The following RCSD1 variants were observed in gnomAD, a reference collection of about 807,000 sequenced individuals.
RCSD1 encodes capZ-interacting protein.
Under a neutral mutation model 42.5 loss-of-function variants are expected in RCSD1, and 26 were observed. The observed-to-expected ratio is 0.61, with a 90% confidence interval of 0.45 to 0.85. The LOEUF is 0.85. Ranked by LOEUF, RCSD1 falls within the 40% of genes least tolerant of loss-of-function variation. The pLI is 0.00. For synonymous variants in RCSD1, 220 were observed against 212.2 expected (o/e 1.04, Z -0.32); for missense variants, 571 against 528.3 (o/e 1.08, Z -0.79).
At chr1:167,703,745 G>A (rs1212705724) in intron 6 of RCSD1, among the ~76,000 whole-genome samples, 1 of 152,134 alleles carries the variant, frequency 6.6e-6, no homozygotes, top group Non-Finnish European at 1.5e-5. Flanking sequence ...GTGGGGCCGG[G>A]GCTCCAGCCA....
intron 5 of RCSD1, among the ~76,000 whole-genome samples, chr1:167,696,575 C>T (rs113484814): frequency 4.9e-4 from 75 of 152,030 alleles, no homozygotes; most frequent in African/African-American, 1.7e-3. Flanking sequence ...TCTCAGCCTC[C>T]CAAGTAGCTG....
intron 1 of RCSD1, among the ~76,000 whole-genome samples, chr1:167,654,645 A>G (rs1346714791): frequency 6.6e-6 from 1 of 152,182 alleles, no homozygotes; most frequent in Admixed American, 6.5e-5. Context: ...AGTAGGTAGT[A>G]TATAAACCAA....
At chr1:167,649,231 G>A (rs115229802) in intron 1 of RCSD1, among the ~76,000 whole-genome samples, 1,761 of 152,226 alleles carry the variant, frequency 0.012, 25 homozygotes, top group African/African-American at 0.04. Flanking sequence ...AGGAAGTAGC[G>A]TGAAAGAGGA....
chr1:167,656,102 G>A (rs1469311385), intron 1 of RCSD1, among the ~76,000 whole-genome samples: 3 of 152,150 alleles, frequency 2.0e-5, no homozygotes, highest in Non-Finnish European at 1.5e-5. Flanking sequence ...TAATTATACA[G>A]CCTATCTTTT....
chr1:167,657,195 C>T (rs569395701), intron 1 of RCSD1, among the ~76,000 whole-genome samples: 9 of 152,242 alleles, frequency 5.9e-5, no homozygotes, highest in South Asian at 2.1e-4. Flanking sequence ...TGGTTTTTTT[C>T]GAAACTGGTG....
At position 167,704,993 on chromosome 1, in the gene RCSD1, C is replaced by T. The variant is rs113446898; in HGVS notation, c.*297C>T. 37 of 310,622 alleles carry T rather than the reference C, an allele frequency of 1.2e-4. 1 individual carries two copies. The highest frequency in any genetic ancestry group is 2.0e-3 in the Middle Eastern group (2 of 992). The allele number at this position is 310,622 out of a possible 1,614,324, so 19.2% of individuals were successfully genotyped here. A position where few individuals can be genotyped will look rare whatever the true frequency, so the allele number is the denominator to read the frequency against. Reference sequence around the variant, plus strand: ...AACAATGTACTGTGGTGATGAGTCCCAGGGGCACTGGTCAGCCTGTGGAGC... The same window carrying T: ...AACAATGTACTGTGGTGATGAGTCCTAGGGGCACTGGTCAGCCTGTGGAGC... On this transcript the variant is annotated 3_prime_UTR_variant, in exon 7 of 7. Coordinates refer to ENST00000367854, the MANE Select transcript of RCSD1 (RefSeq NM_052862.4).
At position 167,630,470 on chromosome 1, in the gene RCSD1, C is replaced by T. The variant is rs1017088409; in HGVS notation, c.6+41C>T. On this transcript the variant is annotated intron_variant, in intron 1 of 6. Coordinates refer to ENST00000367854, the MANE Select transcript of RCSD1 (RefSeq NM_052862.4). ...GGGAGACGCGGGGCTGAGCGGTGAG[C>T]GGTGTATCGGGCGCCCCTTCCCCGG... 7.3e-6 allele frequency: 11 copies of T among 1,515,890 alleles called. No individual in the cohort carries two copies. In the Middle Eastern group the frequency reaches 1.4e-3, roughly 191 times the overall value. 93.9% of individuals were successfully genotyped at this position (1,515,890 alleles called of 1,614,324 possible). A position where few individuals can be genotyped will look rare whatever the true frequency, so the allele number is the denominator to read the frequency against.
intron 5 of RCSD1, among the ~76,000 whole-genome samples, chr1:167,694,856 C>G (rs975727315): frequency 6.6e-6 from 1 of 152,066 alleles, no homozygotes; most frequent in Non-Finnish European, 1.5e-5. Flanking sequence ...CAGATGCAAC[C>G]CTGATCCTCT....
intron 1 of RCSD1, among the ~76,000 whole-genome samples, chr1:167,657,681 T>C (rs1326405605): frequency 6.6e-6 from 1 of 152,144 alleles, no homozygotes; most frequent in Admixed American, 6.5e-5. Context: ...GCTGAGCAGA[T>C]GGACTGCTCA....
chr1:167,677,221 C>T (rs912848212), intron 1 of RCSD1, among the ~76,000 whole-genome samples: 6 of 152,168 alleles, frequency 3.9e-5, no homozygotes, highest in Non-Finnish European at 5.9e-5. Flanking sequence ...CCTTGAGGGC[C>T]GTCACGGTTA....
intron 1 of RCSD1, among the ~76,000 whole-genome samples, chr1:167,650,116 C>A (rs1378470167): frequency 6.6e-6 from 1 of 152,222 alleles, no homozygotes. Context: ...ATGATCATCT[C>A]ATCCCTGCCT....
chr1:167,644,488 A>AATAAATAAATACATAC (rs1295341494), intron 1 of RCSD1, among the ~76,000 whole-genome samples: 1 of 76,768 alleles, frequency 1.3e-5, no homozygotes, highest in Admixed American at 1.3e-4. Flanking sequence ...TCAAAAAATA[A>AATAAATAAATACATAC]ATACATACAT....
At chr1:167,655,654 C>A (rs1410391066) in intron 1 of RCSD1, among the ~76,000 whole-genome samples, 1 of 152,186 alleles carries the variant, frequency 6.6e-6, no homozygotes, top group Admixed American at 6.5e-5. Context: ...TTAATACCAG[C>A]TGATAAGAGG....
chr1:167,701,924 G>C (rs1571112201), intron 6 of RCSD1, among the ~76,000 whole-genome samples: 4 of 152,292 alleles, frequency 2.6e-5, no homozygotes, highest in Admixed American at 2.6e-4. Context: ...GTCTGTCCCA[G>C]GTCTTTCCTG....
rs777908756 is a variant in RCSD1 at position 167,690,109 on chromosome 1, G to A, written c.259G>A (p.Glu87Lys). The change falls in exon 4 of 7, where the codon GAG (glutamate) becomes AAG (lysine). Residue 87 changes from glutamate to lysine, a missense_variant. Glu to Lys is a moderately conservative substitution (Grantham distance 56). Coordinates refer to ENST00000367854, the MANE Select transcript of RCSD1 (RefSeq NM_052862.4). ...KFKVKSSPLI[E>K]KLQANLTFDP... is the part of the protein sequence containing the mutation. ...CAAGGTCAAGAGCTCGCCTCTGATT[G>A]AGAAGCTTCAGGTAAGTGCAGAATT... The A allele has an allele frequency of 6.2e-7, 1 of 1,614,086 alleles. No homozygotes were observed. The highest frequency in any genetic ancestry group is 8.5e-7 in the Non-Finnish European group (1 of 1,179,998).
At chr1:167,632,605 T>G (rs1488414059) in intron 1 of RCSD1, among the ~76,000 whole-genome samples, 1 of 151,974 alleles carries the variant, frequency 6.6e-6, no homozygotes, top group Non-Finnish European at 1.5e-5. Flanking sequence ...GATACCAAAA[T>G]CACTCCCGTG....
Position 167,645,405 on chromosome 1 carries a change from A to C in RCSD1, c.6+14976A>C, listed in dbSNP as rs945873. Among the ~76,000 whole-genome samples the C allele has an allele frequency of 4.5e-4, 69 of 152,250 alleles. No individual in the cohort carries two copies. In the South Asian group the frequency reaches 4.6e-3, roughly 10 times the overall value. On this transcript the variant is annotated intron_variant, in intron 1 of 6. Coordinates refer to ENST00000367854, the MANE Select transcript of RCSD1 (RefSeq NM_052862.4). ...TAAAGACAGTATCTCAATAAGCTGG[A>C]GGTTTAGTGGTGGTGGTGCCAAGAG...
At chr1:167,679,011 G>T (rs555477422) in intron 1 of RCSD1, among the ~76,000 whole-genome samples, 1 of 152,140 alleles carries the variant, frequency 6.6e-6, no homozygotes, top group African/African-American at 2.4e-5. Flanking sequence ...TTATGGTTTC[G>T]CTGTGTACCT....
At chr1:167,676,556 T>G (rs1352595269) in intron 1 of RCSD1, among the ~76,000 whole-genome samples, 3 of 152,204 alleles carry the variant, frequency 2.0e-5, no homozygotes, top group Non-Finnish European at 2.9e-5. Flanking sequence ...TTTCTTTTCT[T>G]TCTTTATGCT....
Sources: allele counts gnomAD v4.1 joint callset (sites outside exome capture counted in the v4.1 genomes callset), GRCh38; gene constraint gnomAD v4.1.1; transcripts MANE v1.5; gene names NCBI Gene and HGNC (gene_info 2026-07-23, HGNC 2026-07-21).